LRP1B: variants seen among roughly 807,000 people sequenced by gnomAD.
The protein encoded by LRP1B is low-density lipoprotein receptor-related protein 1B.
In LRP1B, 217 loss-of-function variants were observed where a neutral mutation model predicts 556.6. The ratio of observed to expected loss-of-function variants is 0.39; its 90% CI spans 0.35 to 0.44. The LOEUF is 0.44. Ranked by LOEUF, LRP1B falls within the 20% of genes least tolerant of loss-of-function variation. LRP1B has a pLI of 1.00. For missense variants in LRP1B, 5,053 were observed against 5,620.8 expected (o/e 0.90, Z 3.23); for synonymous variants, 2,047 against 1,865.8 (o/e 1.10, Z -2.50).
intron 47 of LRP1B, among the ~76,000 whole-genome samples, chr2:140,529,433 G>GGT (rs534375312): frequency 0.035 from 3,692 of 105,376 alleles, 54 homozygotes; most frequent in African/African-American, 0.061. Context: ...AAGCTGAAAA[G>GGT]GGGGGGGGGA....
intron 76 of LRP1B, 144 bp downstream of exon 76, chr2:140,352,805 TTAAC>T (rs1280898893): frequency 5.7e-6 from 4 of 697,032 alleles, no homozygotes; most frequent in East Asian, 2.8e-5. Context: ...TTCATTAATA[TTAAC>T]TAACCAACTG....
In LRP1B at chr2:140,877,241, A is replaced by G. The variant is rs1693338255; in HGVS notation, c.4169+6576T>C. On this transcript the variant is annotated intron_variant, in intron 25 of 90. Transcript: ENST00000389484. ...CTGCCTACTGATGCATGGACTTCAG[A>G]GTAATGTGGCCTATACTGATTTTCC... Among the ~76,000 whole-genome samples, 6 of 152,186 alleles carry G rather than the reference A, an allele frequency of 3.9e-5. No individual in the cohort carries two copies. In the South Asian group the frequency reaches 1.0e-3, roughly 26 times the overall value.
chr2:140,567,656 ACC>A (rs1212484464), intron 43 of LRP1B, among the ~76,000 whole-genome samples: 1 of 152,036 alleles, frequency 6.6e-6, no homozygotes, highest in Non-Finnish European at 1.5e-5. Context: ...TAAGCCTATG[ACC>A]CAGGCTCCAT....
At chr2:141,335,130 T>C (rs1288039287) in intron 3 of LRP1B, among the ~76,000 whole-genome samples, 1 of 152,214 alleles carries the variant, frequency 6.6e-6, no homozygotes, top group Non-Finnish European at 1.5e-5. Flanking sequence ...CTACAAATAC[T>C]ACAACTTCAA....
At chr2:140,608,980 C>T (rs1283471081) in intron 41 of LRP1B, among the ~76,000 whole-genome samples, 1 of 152,082 alleles carries the variant, frequency 6.6e-6, no homozygotes, top group East Asian at 1.9e-4. Context: ...TATTTCATGT[C>T]ACTACTACTG....
chr2:140,603,458 C>T (rs1205849795), intron 41 of LRP1B, among the ~76,000 whole-genome samples: 2 of 152,062 alleles, frequency 1.3e-5, no homozygotes, highest in Admixed American at 6.6e-5. Context: ...GCATTACACG[C>T]CTTTCATCGT....
chr2:142,088,575 A>T (rs189614245), intron 1 of LRP1B, among the ~76,000 whole-genome samples: 5 of 152,326 alleles, frequency 3.3e-5, no homozygotes, highest in African/African-American at 9.6e-5. Flanking sequence ...CCTACAAAAA[A>T]GCTAGTCATG....
chr2:141,170,613 A>G (rs1190834591), intron 7 of LRP1B, among the ~76,000 whole-genome samples: 1 of 152,078 alleles, frequency 6.6e-6, no homozygotes, highest in Non-Finnish European at 1.5e-5. Context: ...CTTCATTACA[A>G]CAATGGTAAG....
chr2:140,634,410 A>C (rs1212533364), intron 41 of LRP1B, among the ~76,000 whole-genome samples: 1 of 152,122 alleles, frequency 6.6e-6, no homozygotes, highest in Admixed American at 6.5e-5. Context: ...AAATGAGATA[A>C]ATTTCCCATG....
chr2:140,602,846 C>A (rs932287640), intron 41 of LRP1B, among the ~76,000 whole-genome samples: 1 of 151,762 alleles, frequency 6.6e-6, no homozygotes, highest in African/African-American at 2.4e-5. Flanking sequence ...AACTGCTTTT[C>A]ATACATCATT....
intron 2 of LRP1B, among the ~76,000 whole-genome samples, chr2:141,739,091 A>G (rs974494278): frequency 6.6e-6 from 1 of 152,168 alleles, no homozygotes; most frequent in African/African-American, 2.4e-5. Flanking sequence ...AAAAGCTAAA[A>G]TATGTTACCC....
At chr2:141,536,028 G>A (rs112771710) in intron 2 of LRP1B, among the ~76,000 whole-genome samples, 108 of 152,152 alleles carry the variant, frequency 7.1e-4, no homozygotes, top group African/African-American at 2.5e-3. Context: ...AATGCTCAAT[G>A]TACATGCAAG....
At chr2:140,780,614 C>G (rs1195788632) in intron 32 of LRP1B, among the ~76,000 whole-genome samples, 1 of 152,148 alleles carries the variant, frequency 6.6e-6, no homozygotes, top group Non-Finnish European at 1.5e-5. Context: ...AGAAACTACA[C>G]ACATTAAAGC....
chr2:140,785,481 C>T (rs1046483415), intron 32 of LRP1B, among the ~76,000 whole-genome samples: 1 of 152,102 alleles, frequency 6.6e-6, no homozygotes, highest in Non-Finnish European at 1.5e-5. Flanking sequence ...AGGGGACAGC[C>T]ATATTTTGAG....
At chr2:140,401,680 C>T (rs533417735) in intron 66 of LRP1B, among the ~76,000 whole-genome samples, 3 of 152,184 alleles carry the variant, frequency 2.0e-5, no homozygotes, top group African/African-American at 7.2e-5. Context: ...CAACATAGAG[C>T]AAGCTCAAAT....
intron 7 of LRP1B, 34 bp from the exon 8 acceptor site, chr2:141,062,307 G>A (rs375595862): frequency 1.1e-4 from 157 of 1,472,234 alleles, no homozygotes; most frequent in Non-Finnish European, 1.4e-4. Context: ...AAAGTGGAGG[G>A]TGGGGGAGGG....
intron 7 of LRP1B, among the ~76,000 whole-genome samples, chr2:141,155,979 A>G (rs905258635): frequency 6.6e-6 from 1 of 152,140 alleles, no homozygotes; most frequent in Admixed American, 6.6e-5. Context: ...TAATTCCTAC[A>G]GGAACATAAA....
intron 2 of LRP1B, among the ~76,000 whole-genome samples, chr2:141,588,206 A>C (rs1687208442): frequency 6.6e-6 from 1 of 152,012 alleles, no homozygotes; most frequent in Non-Finnish European, 1.5e-5. Context: ...CAAAGTTGTT[A>C]AAATTTGTCT....
At chr2:140,974,272 A>C (rs1696522609) in intron 18 of LRP1B, among the ~76,000 whole-genome samples, 1 of 152,228 alleles carries the variant, frequency 6.6e-6, no homozygotes, top group African/African-American at 2.4e-5. Context: ...ATATTTAAAC[A>C]ATCAGTAGGT....
Sources: gnomAD v4.1 joint callset for allele counts (sites outside exome capture counted in the v4.1 genomes callset) on GRCh38, gnomAD v4.1.1 for gene constraint, MANE v1.5 for transcripts, NCBI Gene and HGNC (gene_info 2026-07-23, HGNC 2026-07-21) for gene names.